SNX8: variants seen among roughly 807,000 people sequenced by gnomAD.
SNX8 encodes the protein sorting nexin 8.
SNX8 carries 25 observed loss-of-function variants against 51.6 expected under a neutral mutation model. The ratio of observed to expected loss-of-function variants is 0.48; its 90% CI spans 0.35 to 0.68. SNX8 has a LOEUF of 0.68. Among genes scored for constraint, SNX8 ranks in the 30% least tolerant of loss-of-function variants. The pLI is 0.00. For missense variants in SNX8, 695 were observed against 624.0 expected (o/e 1.11, Z -1.21); for synonymous variants, 324 against 277.0 (o/e 1.17, Z -1.68).
chr7:2,280,448 C>A (rs1369973166), intron 1 of SNX8, among the ~76,000 whole-genome samples: 3 of 151,148 alleles, frequency 2.0e-5, no homozygotes, highest in Non-Finnish European at 2.9e-5. Context: ...CGCCACTGCA[C>A]TCCAGCCTGG....
chr7:2,262,184 C>T (rs988504896), intron 7 of SNX8, among the ~76,000 whole-genome samples: 5 of 152,094 alleles, frequency 3.3e-5, no homozygotes, highest in African/African-American at 7.2e-5. Flanking sequence ...ACTACAGACA[C>T]GCACCACCAC....
chr7:2,269,708 T>C, intron 4 of SNX8, 69 bp from the exon 5 acceptor site: 1 of 1,045,694 alleles, frequency 9.6e-7, no homozygotes, highest in Non-Finnish European at 1.4e-6. Context: ...GGGGTATGGG[T>C]CACTGTGGAG....
intron 7 of SNX8, among the ~76,000 whole-genome samples, chr7:2,261,254 G>A (rs537752928): frequency 1.8e-4 from 27 of 152,304 alleles, no homozygotes; most frequent in African/African-American, 6.3e-4. Context: ...CCAACACGGT[G>A]AAACCCCATC....
At chr7:2,275,726 C>T (rs748788434) in intron 2 of SNX8, among the ~76,000 whole-genome samples, 7 of 151,838 alleles carry the variant, frequency 4.6e-5, no homozygotes, top group African/African-American at 7.3e-5. Context: ...AGGCCGGGCG[C>T]GGTGGCTCAC....
chr7:2,269,114 G>A (rs1795574269), intron 5 of SNX8, among the ~76,000 whole-genome samples: 1 of 143,480 alleles, frequency 7.0e-6, no homozygotes, highest in South Asian at 2.3e-4. Context: ...AAAAGATTGA[G>A]AAATCGGATG....
upstream of SNX8, among the ~76,000 whole-genome samples, chr7:2,316,556 C>T (rs1317142552): frequency 5.3e-5 from 8 of 151,142 alleles, no homozygotes; most frequent in African/African-American, 1.7e-4. Context: ...CACACAACCA[C>T]TCACTCACTG....
Position 2,256,998 on chromosome 7 carries a change from T to G in SNX8, c.1160A>C (p.Glu387Ala), listed in dbSNP as rs138040233. 11 of 1,610,702 alleles carry G rather than the reference T, an allele frequency of 6.8e-6. No homozygotes were observed. In the East Asian group the frequency reaches 2.5e-4, roughly 36 times the overall value. The change falls in exon 10 of 11, where the codon GAG (glutamate) becomes GCG (alanine). Residue 387 changes from glutamate (E) to alanine (A), a missense_variant. Transcript: ENST00000222990. ...GTACAGGGAGAAGTAGTTCCGCAGC[T>G]CCATCGTCTGAATCGCGTTCTCCTG... is the stretch of plus-strand genomic sequence containing the variant. Reference protein sequence around the residue: ...VEQENAIQTMELRNYFSLYCL... With the variant: ...VEQENAIQTMALRNYFSLYCL...
chr7:2,334,327 C>T (rs903926518), intron 1 of SNX8, among the ~76,000 whole-genome samples: 4 of 151,786 alleles, frequency 2.6e-5, no homozygotes, highest in African/African-American at 7.3e-5. Context: ...CACTTGAACC[C>T]GGGAGGCAGA....
chr7:2,305,562 CCATGTTGGT>C (rs1368027962), intron 1 of SNX8, among the ~76,000 whole-genome samples: 1 of 151,994 alleles, frequency 6.6e-6, no homozygotes, highest in Non-Finnish European at 1.5e-5. Flanking sequence ...GGAGGTTTCA[CCATGTTGGT>C]CATGCTGGTC....
chr7:2,315,982 C>T (rs1198739383), upstream of SNX8, among the ~76,000 whole-genome samples: 1 of 144,112 alleles, frequency 6.9e-6, no homozygotes, highest in Non-Finnish European at 1.5e-5. Flanking sequence ...TTCATACATT[C>T]ATTCACCCAC....
At chr7:2,326,348 A>G (rs984638976) in intron 1 of SNX8, among the ~76,000 whole-genome samples, 3 of 149,404 alleles carry the variant, frequency 2.0e-5, no homozygotes, top group Non-Finnish European at 4.4e-5. Context: ...CTAGCAAGAG[A>G]GTGAGACCCT....
At chr7:2,311,733 C>T (rs1448177442) in intron 1 of SNX8, among the ~76,000 whole-genome samples, 2 of 151,976 alleles carry the variant, frequency 1.3e-5, no homozygotes, top group Non-Finnish European at 2.9e-5. Flanking sequence ...GTCAGGAGAT[C>T]GAGACCATCC....
intron 1 of SNX8, among the ~76,000 whole-genome samples, chr7:2,350,814 A>G (rs1047095527): frequency 1.3e-4 from 19 of 151,716 alleles, no homozygotes; most frequent in Admixed American, 1.1e-3. Context: ...ACCCGGCTAA[A>G]TTTTGTATTT....
chr7:2,286,845 A>G (rs1193862731), intron 1 of SNX8, among the ~76,000 whole-genome samples: 1 of 152,074 alleles, frequency 6.6e-6, no homozygotes, highest in Admixed American at 6.6e-5. Flanking sequence ...ATATTTTTAA[A>G]AAATTAATTT....
intron 1 of SNX8, among the ~76,000 whole-genome samples, chr7:2,338,970 G>C (rs761891625): frequency 1.3e-5 from 2 of 152,100 alleles, no homozygotes; most frequent in Non-Finnish European, 2.9e-5. Context: ...GAGTGCACTG[G>C]CACAATCCCA....
At chr7:2,316,987 G>A (rs940966805), upstream of SNX8, among the ~76,000 whole-genome samples, 2 of 152,198 alleles carry the variant, frequency 1.3e-5, no homozygotes, top group Admixed American at 6.6e-5. Flanking sequence ...TCCAAAACGG[G>A]AGCAAGGCTG....
At chr7:2,256,807 TGAAG>T (rs1045018254) in intron 10 of SNX8, 63 bp downstream of exon 10, 14 of 1,528,296 alleles carry the variant, frequency 9.2e-6, no homozygotes, top group African/African-American at 8.2e-5. Flanking sequence ...CTGCCGGGCT[TGAAG>T]GAAGGGCGGA....
chr7:2,275,902 G>A (rs1248465148), intron 2 of SNX8, among the ~76,000 whole-genome samples: 1 of 151,912 alleles, frequency 6.6e-6, no homozygotes, highest in Admixed American at 6.6e-5. Flanking sequence ...GGAAGCTGAG[G>A]CAGGAGAATG....
At chr7:2,328,655 A>G (rs1052662816) in intron 1 of SNX8, among the ~76,000 whole-genome samples, 1 of 151,916 alleles carries the variant, frequency 6.6e-6, no homozygotes, top group Non-Finnish European at 1.5e-5. Flanking sequence ...TCTATTAAAA[A>G]TACAAAAAAT....
Sources: allele counts gnomAD v4.1 joint callset (sites outside exome capture counted in the v4.1 genomes callset), GRCh38; gene constraint gnomAD v4.1.1; transcripts MANE v1.5; gene names NCBI Gene and HGNC (gene_info 2026-07-23, HGNC 2026-07-21).